The following PTPRJ variants were observed in gnomAD, a reference collection of about 807,000 sequenced individuals.
PTPRJ encodes the protein receptor-type tyrosine-protein phosphatase eta.
Under a neutral mutation model 141.3 loss-of-function variants are expected in PTPRJ, and 129 were observed. That is an observed-to-expected ratio of 0.91 (90% CI 0.79 to 1.06). PTPRJ has a LOEUF of 1.06. PTPRJ is among the 50% of genes least tolerant of loss of function. The pLI is 0.00. For synonymous variants in PTPRJ, 610 were observed against 640.5 expected, an observed-to-expected ratio of 0.95 and a Z score of 0.72; for missense variants, 1,601 against 1,679.7, an observed-to-expected ratio of 0.95 and a Z score of 0.82.
At chr11:48,038,387 G>C (rs1183327334) in intron 1 of PTPRJ, among the ~76,000 whole-genome samples, 1 of 152,074 alleles carries the variant, frequency 6.6e-6, no homozygotes, top group Non-Finnish European at 1.5e-5. Context: ...CCTCCCTTCA[G>C]CATCACTGGG....
intron 1 of PTPRJ, among the ~76,000 whole-genome samples, chr11:48,005,810 GT>G (rs1242017549): frequency 6.6e-6 from 1 of 152,228 alleles, no homozygotes; most frequent in East Asian, 1.9e-4. Flanking sequence ...CAAGCTTCAT[GT>G]GCTTCCTTTC....
intron 19 of PTPRJ, among the ~76,000 whole-genome samples, chr11:48,154,332 C>CTGT (rs1156499699): frequency 6.6e-6 from 1 of 152,230 alleles, no homozygotes; most frequent in African/African-American, 2.4e-5. Context: ...GTCACACTCT[C>CTGT]TGTGTCCAGA....
chr11:48,013,495 A>G (rs1590403892), intron 1 of PTPRJ, among the ~76,000 whole-genome samples: 1 of 152,250 alleles, frequency 6.6e-6, no homozygotes, highest in South Asian at 2.1e-4. Context: ...CTCAGTAAAC[A>G]TTTGTTAATC....
At chr11:48,030,057 G>C (rs538703169) in intron 1 of PTPRJ, among the ~76,000 whole-genome samples, 2 of 152,182 alleles carry the variant, frequency 1.3e-5, no homozygotes, top group Non-Finnish European at 2.9e-5. Context: ...GATAGAGATA[G>C]TATAAGAAAT....
At chr11:48,135,152 A>C (rs888201373) in intron 8 of PTPRJ, among the ~76,000 whole-genome samples, 1 of 150,274 alleles carries the variant, frequency 6.7e-6, no homozygotes, top group African/African-American at 2.4e-5. Context: ...TTTCCACTTC[A>C]GATGACCCCT....
At chr11:48,025,330 G>A (rs1853778337) in intron 1 of PTPRJ, among the ~76,000 whole-genome samples, 1 of 152,186 alleles carries the variant, frequency 6.6e-6, no homozygotes, top group African/African-American at 2.4e-5. Flanking sequence ...CTTGCGATGT[G>A]AAAGTACAGC....
In PTPRJ at chr11:48,127,808, T is replaced by A. The variant is rs1444629687; in HGVS notation, c.1122T>A (p.Ala374=). The change falls in exon 7 of 25, where the codon GCT becomes GCA. Residue 374 remains alanine (A), a synonymous_variant. Transcript: ENST00000418331. ...CTATTCAGGTTTTTGACGTCACCGC[T>A]GTGAACATCAGTGCCACAAGCCTGA... is the stretch of plus-strand genomic sequence containing the variant. ...TNAIQVFDVT[A]VNISATSLTL... 1 of 1,614,206 alleles carries A rather than the reference T, an allele frequency of 6.2e-7. No individual in the cohort carries two copies. Among genetic ancestry groups the A allele is most frequent in the South Asian group, 1.1e-5 (1 of 91,088 alleles).
intron 1 of PTPRJ, among the ~76,000 whole-genome samples, chr11:48,056,270 C>A (rs78580170): frequency 0.024 from 3,649 of 152,268 alleles, 148 homozygotes; most frequent in African/African-American, 0.083. Flanking sequence ...ACGTTTCAGC[C>A]AGATAATCCA....
At chr11:48,102,300 G>A (rs765211669) in intron 1 of PTPRJ, among the ~76,000 whole-genome samples, 2 of 152,180 alleles carry the variant, frequency 1.3e-5, no homozygotes, top group Non-Finnish European at 2.9e-5. Context: ...ACTTCCCCCC[G>A]GGAAGCGAGG....
chr11:48,075,124 A>ATTATTTATTTATTTAT (rs138067691), intron 1 of PTPRJ, among the ~76,000 whole-genome samples: 115 of 151,802 alleles, frequency 7.6e-4, no homozygotes, highest in African/African-American at 2.5e-3. Context: ...ACATGCTAGC[A>ATTATTTATTTATTTAT]TTATTTATTT....
chr11:48,109,943 A>G, intron 1 of PTPRJ, 115 bp from the exon 2 acceptor site: 1 of 1,182,702 alleles, frequency 8.5e-7, no homozygotes, highest in Non-Finnish European at 1.3e-6. Context: ...ACCTTTGCTT[A>G]ATGTGCTTCT....
Position 48,128,022 on chromosome 11 carries a change from G to A in PTPRJ, c.1336G>A (p.Gly446Ser). 1 of 1,613,218 alleles carries A rather than the reference G, an allele frequency of 6.2e-7. No individual in the cohort carries two copies. ...CCTAGGTGACATCGAGGGCACGCCG[G>A]GCTTCCTCCAAGTGCACACCCGTGA... ...PVLGDIEGTP[G>S]FLQVHTPPVP... Residue 446 changes from glycine to serine, a missense_variant, in exon 7 of 25, where the codon GGC becomes AGC. Transcript: ENST00000418331.
intron 1 of PTPRJ, among the ~76,000 whole-genome samples, chr11:48,013,446 A>G (rs1228032): frequency 0.072 from 11,030 of 152,232 alleles, 1,297 homozygotes; most frequent in African/African-American, 0.25. Flanking sequence ...CGGGATCTGA[A>G]GGCCAGTGGG....
intron 1 of PTPRJ, chr11:48,014,571 A>G (rs1854902442): frequency 6.6e-6 from 1 of 152,232 alleles, no homozygotes. Flanking sequence ...TCCCGCTTTC[A>G]AGAACTTCCA....
intron 1 of PTPRJ, among the ~76,000 whole-genome samples, chr11:48,082,281 G>A (rs1855578585): frequency 6.6e-6 from 1 of 152,090 alleles, no homozygotes; most frequent in South Asian, 2.1e-4. Flanking sequence ...TGTTGTCCAG[G>A]CTGGAGGCTG....
At chr11:48,140,636 G>A (rs1421682154) in intron 11 of PTPRJ, among the ~76,000 whole-genome samples, 1 of 152,204 alleles carries the variant, frequency 6.6e-6, no homozygotes, top group Non-Finnish European at 1.5e-5. Flanking sequence ...ATACTTGCGA[G>A]GTTGCTGAAG....
rs139710427 is a variant in PTPRJ at position 48,136,042 on chromosome 11, C to G, written c.1619C>G (p.Pro540Arg). 4 of 1,613,620 alleles carry G rather than the reference C, an allele frequency of 2.5e-6. No individual in the cohort carries two copies. Among genetic ancestry groups the G allele is most frequent in the Non-Finnish European group, 2.5e-6 (3 of 1,179,784 alleles). ...CTCCTTCCTTTCTTCTGAGCAGTTC[C>G]CAGTGCAGTGTTTGACATCCACGTG... Reference protein sequence around the residue: ...ASRTVCNRTVPSAVFDIHVVY... With the variant: ...ASRTVCNRTVRSAVFDIHVVY... Residue 540 changes from proline (P) to arginine (R), a missense_variant, in exon 9 of 25, where the codon CCC becomes CGC. Transcript: ENST00000418331.
At chr11:47,988,254 A>G (rs1398001253) in intron 1 of PTPRJ, among the ~76,000 whole-genome samples, 5 of 152,256 alleles carry the variant, frequency 3.3e-5, no homozygotes, top group Admixed American at 6.5e-5. Context: ...GAGAGTATGT[A>G]AAAGGGAAGA....
At position 48,167,235 on chromosome 11, in the gene PTPRJ, T is replaced by C; in HGVS notation, c.3887T>C (p.Leu1296Ser). ...DQYVFLNQCV[L>S]DIVRSQKDSK... ...TATGTTTTCCTCAATCAGTGTGTTT[T>C]GGATATTGTCAGATCCCAGAAAGAC... Residue 1296 changes from leucine to serine, a missense_variant, in exon 25 of 25, where the codon TTG becomes TCG. Leu to Ser is a moderately radical substitution (Grantham distance 145). Coordinates refer to ENST00000418331, the MANE Select transcript of PTPRJ (RefSeq NM_002843.4). 6.2e-7 allele frequency: 1 copy of C among 1,612,508 alleles called. No individual in the cohort carries two copies. The highest frequency in any genetic ancestry group is 1.1e-5 in the South Asian group (1 of 91,036).
Sources: allele counts gnomAD v4.1 joint callset (sites outside exome capture counted in the v4.1 genomes callset), GRCh38; gene constraint gnomAD v4.1.1; transcripts MANE v1.5; gene names NCBI Gene and HGNC (gene_info 2026-07-23, HGNC 2026-07-21).